The following UAP1L1 variants were observed in gnomAD, a reference collection of about 807,000 sequenced individuals.
The protein encoded by UAP1L1 is UDP-N-acetylglucosamine pyrophosphorylase 1 like 1, also known as UDP-N-acetylhexosamine pyrophosphorylase-like protein 1.
UAP1L1 carries 45 observed loss-of-function variants against 45.3 expected under a neutral mutation model. The observed-to-expected ratio is 0.99, with a 90% CI of 0.78 to 1.27. UAP1L1 has a LOEUF of 1.27. UAP1L1 is among the 50% of genes most tolerant of loss of function. The probability of loss-of-function intolerance (pLI) is 0.00; values close to 1 mark genes in which losing one functional copy is unlikely to be tolerated. For synonymous variants in UAP1L1, 323 were observed against 303.9 expected (o/e 1.06, Z -0.65); for missense variants, 667 against 694.0 (o/e 0.96, Z 0.44).
chr9:137,081,132 A>G (rs1266976101), intron 7 of UAP1L1, among the ~76,000 whole-genome samples: 1 of 152,184 alleles, frequency 6.6e-6, no homozygotes, highest in Admixed American at 6.5e-5. Context: ...TCCCTCCCCA[A>G]CTTATCCACA....
intron 5 of UAP1L1, 69 bp from the exon 6 acceptor site, chr9:137,079,933 G>A (rs1258280871): frequency 1.3e-6 from 2 of 1,583,950 alleles, no homozygotes; most frequent in Admixed American, 1.7e-5. Context: ...CTCAGAAGTG[G>A]GGACAGAGCC....
rs773082346 is a variant in UAP1L1, at chr9:137,080,652, G to A, written c.1179-37G>A. On this transcript the variant is annotated intron_variant, in intron 6 of 8. Coordinates refer to ENST00000409858, the MANE Select transcript of UAP1L1 (RefSeq NM_207309.3). ...CTCACCTGCCCGGATCAGGGCCTCT[G>A]TGCTGGGACGTGGGTGACTAGCCCT... 3 of 1,578,038 alleles carry A rather than the reference G, an allele frequency of 1.9e-6. No individual in the cohort carries two copies. In the Admixed American group the frequency reaches 5.2e-5, roughly 27 times the overall value.
chr9:137,080,050 G>A lies in UAP1L1; in HGVS notation c.1086G>A (p.Pro362=), dbSNP rs141235892. ...LKPHVAVKKV[P]YVDEEGNLVK... is the part of the protein sequence containing the mutation. ...CACACGTGGCTGTGAAGAAGGTCCC[G>A]TATGTGGATGAGGAGGGGAATCTGG... The change falls in exon 6 of 9, where the codon CCG becomes CCA. Residue 362 remains proline (P), a synonymous_variant. Coordinates refer to ENST00000409858, the MANE Select transcript of UAP1L1 (RefSeq NM_207309.3). 221 of 1,614,144 alleles carry A rather than the reference G, an allele frequency of 1.4e-4. No homozygotes were observed. The African/African-American group carries it at 2.4e-3, about 18-fold the overall frequency.
intron 5 of UAP1L1, 137 bp downstream of exon 5, chr9:137,079,586 T>C (rs1832759983): frequency 1.3e-6 from 1 of 770,886 alleles, no homozygotes; most frequent in Non-Finnish European, 2.0e-6. Flanking sequence ...GCACGGCTGA[T>C]GGGTCGGGGT....
chr9:137,082,206 C>T lies in UAP1L1; in HGVS notation c.1431+142C>T, dbSNP rs1455013631. 8 of 834,662 alleles carry T rather than the reference C, an allele frequency of 9.6e-6. No homozygotes were observed. In the Admixed American group the frequency reaches 1.6e-4, roughly 17 times the overall value. The allele number at this position is 834,662 out of a possible 1,614,324, so 51.7% of individuals were successfully genotyped here. A position where few individuals can be genotyped will look rare whatever the true frequency, so the allele number is the denominator to read the frequency against. ...GTCGGTGGTTTAAATTTGCAGAAGA[C>T]TTTCCAAGATATGGGTTGGGGTGGG... On this transcript the variant is annotated intron_variant, in intron 8 of 8. Transcript: ENST00000409858. The surrounding 1 kb of genome is among the most constrained non-coding windows in gnomAD (Gnocchi z 5.7).
rs1390451590 is a variant in UAP1L1 at position 137,079,010 on chromosome 9, C to T, written c.705C>T (p.Asp235=). The change falls in exon 4 of 9, where the codon GAC becomes GAT. Residue 235 remains aspartate (D), a synonymous_variant. Coordinates refer to ENST00000409858, the MANE Select transcript of UAP1L1 (RefSeq NM_207309.3). The part of the protein sequence containing the change: ...GNGGLYCALE[D]HKILEDMERR... ...GGGGCCTCTACTGCGCGCTGGAGGA[C>T]CACAAGATCCTGGAGGACATGGAGC... 6.2e-7 allele frequency: 1 copy of T among 1,602,176 alleles called. No homozygotes were observed. Among genetic ancestry groups the T allele is most frequent in the Non-Finnish European group, 8.5e-7 (1 of 1,176,940 alleles).
rs1390451590 is a variant in UAP1L1 at position 137,079,010 on chromosome 9, C to A, written c.705C>A (p.Asp235Glu). 6.2e-7 allele frequency: 1 copy of A among 1,602,058 alleles called. No homozygotes were observed. Among genetic ancestry groups the A allele is most frequent in the Non-Finnish European group, 8.5e-7 (1 of 1,176,948 alleles). The change falls in exon 4 of 9, where the codon GAC (aspartate) becomes GAA (glutamate). Residue 235 changes from aspartate (D) to glutamate (E), a missense_variant. Transcript: ENST00000409858. ...GGGGCCTCTACTGCGCGCTGGAGGACCACAAGATCCTGGAGGACATGGAGC... is the reference window on the plus strand; with the variant it reads ...GGGGCCTCTACTGCGCGCTGGAGGAACACAAGATCCTGGAGGACATGGAGC... ...GNGGLYCALE[D>E]HKILEDMERR... is the part of the protein sequence containing the mutation.
intron 2 of UAP1L1, 52 bp downstream of exon 2, chr9:137,078,306 C>A: frequency 6.6e-7 from 1 of 1,511,920 alleles, no homozygotes; most frequent in Non-Finnish European, 8.9e-7. Context: ...CCCACGCCCC[C>A]CCACATCCCC....
At position 137,083,761 on chromosome 9, in the gene UAP1L1, C is replaced by A. The variant is rs1270105249; in HGVS notation, c.*1032C>A. On this transcript the variant is annotated 3_prime_UTR_variant, in exon 9 of 9. Transcript: ENST00000409858. ...GCCTGCTTTCTCATCTCAGGGGAGG[C>A]AGTGGCACCTCCCTCTCCCTGCTGA... 1 of 152,234 alleles carries A rather than the reference C, an allele frequency of 6.6e-6. No homozygotes were observed. Among genetic ancestry groups the A allele is most frequent in the African/African-American group, 2.4e-5 (1 of 41,436 alleles). The allele number at this position is 152,234 out of a possible 1,614,324, so 9.4% of individuals were successfully genotyped here.
Position 137,080,091 on chromosome 9 carries a change from C to G in UAP1L1, c.1127C>G (p.Pro376Arg), listed in dbSNP as rs372338320. 11 of 1,614,062 alleles carry G rather than the reference C, an allele frequency of 6.8e-6. No individual in the cohort carries two copies. The South Asian group carries it at 1.1e-4, about 16-fold the overall frequency. ...GGGAATCTGGTAAAGCCGCTAAAAC[C>G]GAACGGGATAAAGATGGAGAAGTTT... is the stretch of plus-strand genomic sequence containing the variant. ...EEGNLVKPLK[P>R]NGIKMEKFVF... Residue 376 changes from proline to arginine, a missense_variant, in exon 6 of 9, where the codon CCG becomes CGG. Physicochemically the swap from Pro to Arg is moderately radical, Grantham distance 103 (BLOSUM62 -2). Transcript: ENST00000409858.
intron 4 of UAP1L1, 38 bp downstream of exon 4, chr9:137,079,186 T>G (rs374098604): frequency 6.2e-5 from 99 of 1,592,890 alleles, no homozygotes; most frequent in Non-Finnish European, 7.4e-5. Flanking sequence ...CACCCGAGGC[T>G]GGCCCCGCCC....
At chr9:137,080,395 C>T in intron 6 of UAP1L1, 1 of 593,498 alleles carries the variant, frequency 1.7e-6, no homozygotes, top group South Asian at 2.1e-5. Context: ...ACTGCCCCCA[C>T]CCATGGTTAG....
chr9:137,082,736 C>T lies in UAP1L1; in HGVS notation c.*7C>T. 1 of 1,546,638 alleles carries T rather than the reference C, an allele frequency of 6.5e-7. No homozygotes were observed. Among genetic ancestry groups the T allele is most frequent in the Non-Finnish European group, 8.7e-7 (1 of 1,146,128 alleles). On this transcript the variant is annotated 3_prime_UTR_variant, in exon 9 of 9. Coordinates refer to ENST00000409858, the MANE Select transcript of UAP1L1 (RefSeq NM_207309.3). The surrounding 1 kb of genome is among the most constrained non-coding windows in gnomAD (Gnocchi z 5.7). The stretch of plus-strand genomic sequence containing the variant: ...GCAGCTGCAGGAGTCCTGACCCGCC[C>T]AGACTGTCCCCAGACTCCCCCGAGA...
Position 137,078,239 on chromosome 9 carries a change from G to C in UAP1L1, c.479G>C (p.Arg160Pro). The C allele has an allele frequency of 6.5e-7, 1 of 1,544,714 alleles. No homozygotes were observed. The highest frequency in any genetic ancestry group is 1.2e-5 in the South Asian group (1 of 83,646). The part of the protein sequence containing the change: ...EQLAGERHGT[R>P]CTVPWYVMTS... ...CTGGCCGGTGAGCGCCACGGGACCC[G>C]CTGCACCGTCCCCTGGTGTGTCCTG... Residue 160 changes from arginine to proline, a missense_variant, in exon 2 of 9, where the codon CGC becomes CCC. Physicochemically the swap from Arg to Pro is moderately radical, Grantham distance 103. Transcript: ENST00000409858.
chr9:137,080,067 G>C lies in UAP1L1; in HGVS notation c.1103G>C (p.Gly368Ala). 6.2e-7 allele frequency: 1 copy of C among 1,614,180 alleles called. No homozygotes were observed. The highest frequency in any genetic ancestry group is 1.7e-4 in the Middle Eastern group (1 of 6,060). Residue 368 changes from glycine to alanine, a missense_variant, in exon 6 of 9, where the codon GGG (glycine) becomes GCG (alanine). Transcript: ENST00000409858. ...VKKVPYVDEE[G>A]NLVKPLKPNG... ...AAGGTCCCGTATGTGGATGAGGAGG[G>C]GAATCTGGTAAAGCCGCTAAAACCG...
In UAP1L1 at chr9:137,082,378, G is replaced by A. The variant is rs1832802340; in HGVS notation, c.1432-259G>A. The A allele has an allele frequency of 5.0e-6, 3 of 595,236 alleles. No individual in the cohort carries two copies. The highest frequency in any genetic ancestry group is 9.0e-6 in the Non-Finnish European group (3 of 335,030). The allele number at this position is 595,236 out of a possible 1,614,324, so 36.9% of individuals were successfully genotyped here. Reference sequence around the variant, plus strand: ...CTCTGCTACCTCCCTGACCTCGGCTGCCCTTGCCCCTTTCTCTGGTCAGGT... The same window carrying A: ...CTCTGCTACCTCCCTGACCTCGGCTACCCTTGCCCCTTTCTCTGGTCAGGT... On this transcript the variant is annotated intron_variant, in intron 8 of 8. Transcript: ENST00000409858. The surrounding 1 kb of genome is among the most constrained non-coding windows in gnomAD (Gnocchi z 5.7).
intron 3 of UAP1L1, 68 bp downstream of exon 3, chr9:137,078,745 C>G: frequency 6.6e-7 from 1 of 1,519,170 alleles, no homozygotes; most frequent in Non-Finnish European, 8.9e-7. Context: ...TGGGGGTCCA[C>G]GCGCCCGGGT....
Position 137,078,181 on chromosome 9 carries a change from C to G in UAP1L1, c.421C>G (p.Leu141Val). 6.5e-7 allele frequency: 1 copy of G among 1,549,988 alleles called. No homozygotes were observed. Among genetic ancestry groups the G allele is most frequent in the Admixed American group, 2.0e-5 (1 of 51,006 alleles). The change falls in exon 2 of 9, where the codon CTG (leucine) becomes GTG (valine). Residue 141 changes from leucine (L) to valine (V), a missense_variant. By Grantham distance (32) the Leu-to-Val change is conservative (BLOSUM62 1). Transcript: ENST00000409858. ...GLPSRKTLYQLQAERIRRVEQ... is the reference protein window; with the variant it reads ...GLPSRKTLYQVQAERIRRVEQ... The stretch of plus-strand genomic sequence containing the variant: ...GCCCAGCCGGAAGACCCTGTACCAG[C>G]TGCAGGCGGAGCGGATTCGGCGGGT...
chr9:137,078,831 G>T, intron 3 of UAP1L1, 145 bp from the exon 4 acceptor site: 2 of 1,305,122 alleles, frequency 1.5e-6, no homozygotes, highest in East Asian at 2.5e-5. Flanking sequence ...TTTGTCACAT[G>T]GTACACCAAC....
Sources: allele counts gnomAD v4.1 joint callset (sites outside exome capture counted in the v4.1 genomes callset), GRCh38; gene constraint gnomAD v4.1.1; non-coding constraint Gnocchi (gnomAD v3.1); transcripts MANE v1.5; gene names NCBI Gene and HGNC (gene_info 2026-07-23, HGNC 2026-07-21).